The following ALAS1 variants were observed in gnomAD, a reference collection of about 807,000 sequenced individuals.
ALAS1 encodes 5'-aminolevulinate synthase 1.
ALAS1 carries 29 observed loss-of-function variants against 59.6 expected under a neutral mutation model. The ratio of observed to expected loss-of-function variants is 0.49; its 90% CI spans 0.36 to 0.66. The LOEUF (loss-of-function observed/expected upper bound fraction) is 0.66. Among genes scored for constraint, ALAS1 ranks in the 30% least tolerant of loss-of-function variants. ALAS1 has a pLI of 0.00. For synonymous variants in ALAS1, 299 were observed against 296.6 expected (o/e 1.01, Z -0.08); for missense variants, 690 against 807.5 (o/e 0.85, Z 1.76).
At chr3:52,203,141 A>C (rs1427537586) in intron 4 of ALAS1, among the ~76,000 whole-genome samples, 1 of 152,012 alleles carries the variant, frequency 6.6e-6, no homozygotes, top group Non-Finnish European at 1.5e-5. Flanking sequence ...TGCAACCTTA[A>C]CTCCACAATA....
chr3:52,211,649 G>T, intron 10 of ALAS1, 98 bp downstream of exon 10: 1 of 1,518,004 alleles, frequency 6.6e-7, no homozygotes, highest in South Asian at 1.2e-5. Flanking sequence ...GGGCTTGAGC[G>T]GGGTGACTGC....
At chr3:52,212,892 T>G (rs1699441282) in intron 11 of ALAS1, among the ~76,000 whole-genome samples, 1 of 152,132 alleles carries the variant, frequency 6.6e-6, no homozygotes, top group African/African-American at 2.4e-5. Flanking sequence ...CTAAAAGGTA[T>G]TTATTGTCTG....
chr3:52,213,052 C>T (rs142561243), intron 11 of ALAS1, among the ~76,000 whole-genome samples: 351 of 152,184 alleles, frequency 2.3e-3, no homozygotes, highest in Non-Finnish European at 4.6e-3. Context: ...CTTGAGTCCC[C>T]GCTGTCCCTC....
chr3:52,213,781 A>G (rs958139731), intron 11 of ALAS1, among the ~76,000 whole-genome samples: 2 of 152,220 alleles, frequency 1.3e-5, no homozygotes, highest in African/African-American at 4.8e-5. Flanking sequence ...TGCAAGGCTC[A>G]TCCATGCTGT....
intron 9 of ALAS1, among the ~76,000 whole-genome samples, chr3:52,209,466 C>G (rs888462654): frequency 6.6e-6 from 1 of 152,204 alleles, no homozygotes; most frequent in Non-Finnish European, 1.5e-5. Context: ...CTCAGCCTCC[C>G]AAAGTGCTGG....
Position 52,210,640 on chromosome 3 carries a change from G to A in ALAS1, c.1331-643G>A, listed in dbSNP as rs548531018. 8.5e-5 allele frequency among the ~76,000 whole-genome samples: 13 copies of A among 152,146 alleles called. No homozygotes were observed. The East Asian group carries it at 1.7e-3, about 20-fold the overall frequency. On this transcript the variant is annotated intron_variant, in intron 9 of 11. Transcript: ENST00000484952. ...AAATAAAAATTTAAAAAATCAGCCA[G>A]GCATGGTGGTGTACACCTGTCCTAG...
chr3:52,208,636 G>T (rs750996215), intron 9 of ALAS1, among the ~76,000 whole-genome samples: 11 of 152,190 alleles, frequency 7.2e-5, no homozygotes, highest in Non-Finnish European at 1.5e-5. Flanking sequence ...GCTGAACTCC[G>T]TGCCTGCCAC....
At chr3:52,206,534 G>A (rs377356030) in intron 7 of ALAS1, 38 bp from the exon 8 acceptor site, 7 of 1,587,448 alleles carry the variant, frequency 4.4e-6, no homozygotes, top group African/African-American at 4.1e-5. Flanking sequence ...ATTTGTCTTC[G>A]ATGCACATGG....
At chr3:52,207,081 G>T (rs1006592169) in intron 8 of ALAS1, among the ~76,000 whole-genome samples, 7 of 149,782 alleles carry the variant, frequency 4.7e-5, no homozygotes, top group African/African-American at 1.7e-4. Context: ...TCGGCTCACT[G>T]CAAGCTCCAC....
chr3:52,203,011 T>G (rs1699219213), intron 4 of ALAS1, among the ~76,000 whole-genome samples: 1 of 152,178 alleles, frequency 6.6e-6, no homozygotes, highest in Middle Eastern at 3.2e-3. Flanking sequence ...ACCAGCTGCC[T>G]TTTGTCCCTT....
intron 5 of ALAS1, among the ~76,000 whole-genome samples, 179 bp from the exon 6 acceptor site, chr3:52,204,514 C>T (rs528292587): frequency 1.3e-5 from 2 of 152,260 alleles, no homozygotes; most frequent in African/African-American, 2.4e-5. Context: ...TAATACTTAC[C>T]GTCTACACAT....
At position 52,202,595 on chromosome 3, in the gene ALAS1, C is replaced by A. The variant is rs1330409504; in HGVS notation, c.288C>A (p.Pro96=). ...GCACACAGCTTCCGTCTGGACACCC[C>A]TTGCCTGCCACAAGCCAGGGCACTG... ...PDGTQLPSGH[P]LPATSQGTAS... Residue 96 remains proline, a synonymous_variant, in exon 4 of 12, where the codon CCC becomes CCA. Transcript: ENST00000484952. 6.2e-7 allele frequency: 1 copy of A among 1,614,212 alleles called. No individual in the cohort carries two copies. Among genetic ancestry groups the A allele is most frequent in the Admixed American group, 1.7e-5 (1 of 60,036 alleles).
At chr3:52,206,055 T>G (rs771887028) in intron 7 of ALAS1, 32 bp downstream of exon 7, 11 of 1,550,864 alleles carry the variant, frequency 7.1e-6, no homozygotes, top group African/African-American at 2.8e-5. Flanking sequence ...GCCTTCGAGT[T>G]TTTTGGGTTT....
intron 8 of ALAS1, 35 bp downstream of exon 8, chr3:52,206,786 A>G: frequency 6.3e-7 from 1 of 1,594,020 alleles, no homozygotes; most frequent in South Asian, 1.1e-5. Flanking sequence ...GAAACCTAAG[A>G]TGAAAAACTA....
chr3:52,201,223 G>A (rs1243399362), intron 3 of ALAS1, among the ~76,000 whole-genome samples: 1 of 152,160 alleles, frequency 6.6e-6, no homozygotes, highest in African/African-American at 2.4e-5. Flanking sequence ...AAGGGGAGAG[G>A]GAAGTCACTG....
Position 52,198,238 on chromosome 3 carries a change from C to T in ALAS1, c.-227C>T. On this transcript the variant is annotated 5_prime_UTR_variant, in exon 1 of 12. Transcript: ENST00000484952. ...GTGCCCGCCTCCTTCGCCGCCGCCT[C>T]TGCAGTCCTCAGCGCAGGTGAGGGC... 2 of 399,576 alleles carry T rather than the reference C, an allele frequency of 5.0e-6. No individual in the cohort carries two copies. Among genetic ancestry groups the T allele is most frequent in the Non-Finnish European group, 8.8e-6 (2 of 226,524 alleles). 24.8% of individuals were successfully genotyped at this position (399,576 alleles called of 1,614,324 possible).
Position 52,205,815 on chromosome 3 carries a change from GGTTTT to G in ALAS1, c.801-19_801-15del. 1 of 1,590,070 alleles carries G rather than the reference GGTTTT, an allele frequency of 6.3e-7. No individual in the cohort carries two copies. The highest frequency in any genetic ancestry group is 8.6e-7 in the Non-Finnish European group (1 of 1,165,636). ...TTGAGAACCATGAGCTTTATTTTCT[GGTTTT>G]GTTTGTATTTTTAAACAGGGACACT... On this transcript the variant is annotated intron_variant, in intron 6 of 11. Coordinates refer to ENST00000484952, the MANE Select transcript of ALAS1 (RefSeq NM_000688.6).
At chr3:52,211,220 T>C in intron 9 of ALAS1, 63 bp from the exon 10 acceptor site, 1 of 1,576,194 alleles carries the variant, frequency 6.3e-7, no homozygotes, top group Non-Finnish European at 8.6e-7. Flanking sequence ...CACAACACCT[T>C]GCTGTGTCCA....
intron 9 of ALAS1, among the ~76,000 whole-genome samples, chr3:52,209,333 A>G (rs1385664454): frequency 6.6e-6 from 1 of 152,072 alleles, no homozygotes; most frequent in Non-Finnish European, 1.5e-5. Context: ...TCAGCCTCCC[A>G]AGTAGCTGGG....
Sources: gnomAD v4.1 joint callset for allele counts (sites outside exome capture counted in the v4.1 genomes callset) on GRCh38, gnomAD v4.1.1 for gene constraint, MANE v1.5 for transcripts, NCBI Gene and HGNC (gene_info 2026-07-23, HGNC 2026-07-21) for gene names.